L3HYPDH: variants seen among roughly 807,000 people sequenced by gnomAD.
L3HYPDH encodes trans-L-3-hydroxyproline dehydratase, also known as trans-3-hydroxy-L-proline dehydratase.
In L3HYPDH, 32 loss-of-function variants were observed where a neutral mutation model predicts 26.5. The ratio of observed to expected loss-of-function variants is 1.21; its 90% CI spans 0.91 to 1.62. L3HYPDH has a LOEUF of 1.62. Among genes scored for constraint, L3HYPDH ranks in the 40% most tolerant of loss-of-function variants. The probability of loss-of-function intolerance (pLI) is 0.00; values close to 1 mark genes in which losing one functional copy is unlikely to be tolerated. For missense variants in L3HYPDH, 554 were observed against 476.4 expected (o/e 1.16, Z -1.52); for synonymous variants, 215 against 196.6 (o/e 1.09, Z -0.78).
chr14:59,495,210 A>C, the L3HYPDH span: 1 of 1,608,664 alleles, frequency 6.2e-7, no homozygotes. Context: ...GTACTCATGA[A>C]GCCGTCTACC....
the L3HYPDH span, among the ~76,000 whole-genome samples, chr14:59,501,490 A>G: frequency 4.6e-5 from 7 of 152,196 alleles, no homozygotes; most frequent in Admixed American, 3.3e-4. Context: ...GTCAGGCCCA[A>G]CTATCCAGCA....
At chr14:59,490,406 A>G in the L3HYPDH span, among the ~76,000 whole-genome samples, 1 of 152,240 alleles carries the variant, frequency 6.6e-6, no homozygotes, top group East Asian at 1.9e-4. Context: ...GAGCATCCAA[A>G]AAAATCACTC....
intron 1 of L3HYPDH, among the ~76,000 whole-genome samples, chr14:59,465,705 G>A (rs952992667): frequency 3.3e-5 from 5 of 152,156 alleles, no homozygotes; most frequent in South Asian, 4.1e-4. Flanking sequence ...GGTGCTTTTG[G>A]TATATACAGG....
At chr14:59,467,354 C>T (rs1389810455) in intron 1 of L3HYPDH, among the ~76,000 whole-genome samples, 1 of 152,168 alleles carries the variant, frequency 6.6e-6, no homozygotes, top group Non-Finnish European at 1.5e-5. Flanking sequence ...TTGGGGCTAC[C>T]TTATGATGGG....
intron 1 of L3HYPDH, among the ~76,000 whole-genome samples, chr14:59,482,579 G>A (rs940952665): frequency 1.3e-5 from 2 of 152,178 alleles, no homozygotes; most frequent in East Asian, 1.9e-4. Flanking sequence ...AAATGGAATC[G>A]TAAACATAAA....
At chr14:59,498,284 A>G in the L3HYPDH span, among the ~76,000 whole-genome samples, 1 of 152,218 alleles carries the variant, frequency 6.6e-6, no homozygotes, top group Non-Finnish European at 1.5e-5. Flanking sequence ...CATTTATTTC[A>G]TAACTAGATT....
the L3HYPDH span, among the ~76,000 whole-genome samples, chr14:59,500,259 A>G: frequency 1.3e-5 from 2 of 152,340 alleles, no homozygotes; most frequent in South Asian, 2.1e-4. Context: ...TCAGGCCTGT[A>G]TAGATAATTC....
At chr14:59,481,345 G>T (rs1890005098) in intron 1 of L3HYPDH, among the ~76,000 whole-genome samples, 1 of 152,006 alleles carries the variant, frequency 6.6e-6, no homozygotes. Context: ...TTACATTAGT[G>T]CCTTAATTAC....
At chr14:59,499,515 A>G in the L3HYPDH span, among the ~76,000 whole-genome samples, 2 of 152,170 alleles carry the variant, frequency 1.3e-5, no homozygotes, top group Admixed American at 1.3e-4. Context: ...TTTAGTAACC[A>G]TTTAGACCAA....
downstream of L3HYPDH, among the ~76,000 whole-genome samples, chr14:59,471,840 A>ATT (rs55778019): frequency 1.4e-4 from 21 of 151,880 alleles, no homozygotes; most frequent in South Asian, 8.3e-4. Flanking sequence ...TAGTGATGTC[A>ATT]TTTTTTTTGA....
the L3HYPDH span, among the ~76,000 whole-genome samples, chr14:59,494,118 T>TTGGG: frequency 3.2e-5 from 3 of 93,288 alleles, no homozygotes; most frequent in Non-Finnish European, 6.0e-5. Flanking sequence ...AGAAGAAAAT[T>TTGGG]TGGGTGTGTG....
At chr14:59,501,423 G>A in the L3HYPDH span, among the ~76,000 whole-genome samples, 2 of 152,164 alleles carry the variant, frequency 1.3e-5, no homozygotes, top group African/African-American at 4.8e-5. Flanking sequence ...TTAACTTTAT[G>A]AAAAGTTGTG....
At chr14:59,471,991 A>G (rs568523973), downstream of L3HYPDH, among the ~76,000 whole-genome samples, 12 of 152,354 alleles carry the variant, frequency 7.9e-5, no homozygotes, top group African/African-American at 2.9e-4. Context: ...AATAAGGCCT[A>G]TACAGACTCT....
At chr14:59,468,560 CCT>C (rs577528510), downstream of L3HYPDH, among the ~76,000 whole-genome samples, 211 of 152,246 alleles carry the variant, frequency 1.4e-3, 2 homozygotes, top group South Asian at 1.0e-3. Flanking sequence ...GCCATGTTCC[CCT>C]GTTAGTTTCA....
At chr14:59,466,586 TGATGCAC>T (rs1566554689) in intron 1 of L3HYPDH, among the ~76,000 whole-genome samples, 16 of 152,358 alleles carry the variant, frequency 1.1e-4, no homozygotes, top group African/African-American at 3.4e-4. Context: ...CCAGTGATTC[TGATGCAC>T]AAATTTGAGA....
chr14:59,473,074 TCAC>T lies in L3HYPDH; in HGVS notation c.953_955del (p.Gly318del), dbSNP rs963213949. ...TACTTCCACTATAACAGCTTTAAAA[TCAC>T]CACATTTCGCTTCCTGAAAAAAGAT... On this transcript the variant is annotated inframe_deletion, in exon 5 of 5. Coordinates refer to ENST00000247194, the MANE Select transcript of L3HYPDH (RefSeq NM_144581.2). 14 of 1,593,332 alleles carry T rather than the reference TCAC, an allele frequency of 8.8e-6. No individual in the cohort carries two copies. In the East Asian group the frequency reaches 1.6e-4, roughly 18 times the overall value.
At position 59,476,107 on chromosome 14, in the gene L3HYPDH, A is replaced by C. The variant is rs912371751; in HGVS notation, c.786T>G (p.Val262=). The C allele has an allele frequency of 1.4e-5, 22 of 1,613,912 alleles. No homozygotes were observed. Among genetic ancestry groups the C allele is most frequent in the Non-Finnish European group, 1.8e-5 (21 of 1,179,922 alleles). ...YTKEPTTNIC[V]FADEQVDRSP... Reference sequence around the variant, plus strand: ...GTTTTAATACCTGTTCATCTGCAAAAACACAAATGTTGGTGGTTGGTTCCT... The same window carrying C: ...GTTTTAATACCTGTTCATCTGCAAACACACAAATGTTGGTGGTTGGTTCCT... The change falls in exon 3 of 5, where the codon GTT becomes GTG. Residue 262 remains valine (V), a synonymous_variant. Coordinates refer to ENST00000247194, the MANE Select transcript of L3HYPDH (RefSeq NM_144581.2).
chr14:59,471,026 AGATGGGAAGGG>A (rs1889298768), downstream of L3HYPDH, among the ~76,000 whole-genome samples: 2 of 149,992 alleles, frequency 1.3e-5, no homozygotes, highest in East Asian at 4.0e-4. Context: ...ACCCTCACTG[AGATGGGAAGGG>A]ATAGATGTGA....
At chr14:59,503,749 T>A in the L3HYPDH span, 11 of 699,576 alleles carry the variant, frequency 1.6e-5, no homozygotes, top group African/African-American at 1.8e-4. Context: ...TTTATGATTC[T>A]GAGATTATAA....
Sources: gnomAD v4.1 joint callset for allele counts (sites outside exome capture counted in the v4.1 genomes callset) on GRCh38, gnomAD v4.1.1 for gene constraint, MANE v1.5 for transcripts, NCBI Gene and HGNC (gene_info 2026-07-23, HGNC 2026-07-21) for gene names.